The following GRK3 variants were observed in gnomAD, a reference collection of about 807,000 sequenced individuals.
GRK3 encodes the protein adrenergic, beta, receptor kinase 2.
GRK3 carries 54 observed loss-of-function variants against 95.7 expected under a neutral mutation model. The observed-to-expected ratio is 0.56, with a 90% confidence interval of 0.45 to 0.71. The LOEUF is 0.71. Among genes scored for constraint, GRK3 ranks in the 30% least tolerant of loss-of-function variants. The pLI, the probability that GRK3 is intolerant of heterozygous loss-of-function variation, is 0.00. For synonymous variants in GRK3, 281 were observed against 290.8 expected (o/e 0.97, Z 0.34); for missense variants, 649 against 851.2 (o/e 0.76, Z 2.96).
chr22:25,600,956 C>A (rs1184827109), intron 1 of GRK3, among the ~76,000 whole-genome samples: 2 of 152,240 alleles, frequency 1.3e-5, no homozygotes, highest in African/African-American at 4.8e-5. Context: ...GGTTATTTCA[C>A]CATGGAAGCA....
chr22:25,674,003 A>G (rs2085006166), intron 7 of GRK3, among the ~76,000 whole-genome samples: 2 of 152,006 alleles, frequency 1.3e-5, no homozygotes, highest in Non-Finnish European at 2.9e-5. Flanking sequence ...TGCCCCTGAC[A>G]TGGACTCTCA....
rs539772478 is a variant in GRK3, at chr22:25,651,750, T to C, written c.264+7085T>C. 2.6e-5 allele frequency among the ~76,000 whole-genome samples: 4 copies of C among 152,352 alleles called. No homozygotes were observed. In the East Asian group the frequency reaches 7.7e-4, roughly 29 times the overall value. ...GCAGTTCCTTATATAATAACAATTG[T>C]ATAGTAGGGATAAAACACTAACTTA... On this transcript the variant is annotated intron_variant, in intron 3 of 20. Coordinates refer to ENST00000324198, the MANE Select transcript of GRK3 (RefSeq NM_005160.4).
intron 1 of GRK3, among the ~76,000 whole-genome samples, chr22:25,601,321 A>G (rs1398839023): frequency 1.3e-5 from 2 of 152,228 alleles, no homozygotes; most frequent in South Asian, 4.1e-4. Flanking sequence ...TTTTCTGACC[A>G]TGAAAGAATT....
intron 3 of GRK3, among the ~76,000 whole-genome samples, chr22:25,653,837 C>T (rs1474400324): frequency 2.0e-5 from 3 of 152,110 alleles, no homozygotes; most frequent in Admixed American, 1.3e-4. Context: ...TACAGGCACC[C>T]GCCACCACGC....
intron 1 of GRK3, among the ~76,000 whole-genome samples, chr22:25,574,710 G>A (rs1012116029): frequency 7.2e-5 from 11 of 151,996 alleles, no homozygotes; most frequent in Non-Finnish European, 1.5e-4. Flanking sequence ...TAAGATCAAG[G>A]GACTTTAATA....
intron 1 of GRK3, among the ~76,000 whole-genome samples, chr22:25,593,385 A>G (rs750917184): frequency 6.6e-6 from 1 of 151,558 alleles, no homozygotes; most frequent in East Asian, 1.9e-4. Context: ...TCTTTTTTTA[A>G]ATAATAGCCA....
intron 2 of GRK3, among the ~76,000 whole-genome samples, chr22:25,608,319 C>A (rs1283260443): frequency 6.6e-6 from 1 of 152,154 alleles, no homozygotes; most frequent in Admixed American, 6.5e-5. Flanking sequence ...TTTTATTCCT[C>A]AATGGGAGGA....
intron 3 of GRK3, among the ~76,000 whole-genome samples, chr22:25,658,013 C>T (rs991305920): frequency 1.8e-4 from 27 of 152,048 alleles, no homozygotes; most frequent in African/African-American, 6.5e-4. Context: ...TTACTTCTGA[C>T]ATTTTTATCT....
intron 1 of GRK3, among the ~76,000 whole-genome samples, chr22:25,571,701 A>G (rs1465476797): frequency 3.3e-5 from 5 of 152,112 alleles, no homozygotes; most frequent in African/African-American, 9.7e-5. Context: ...AGGACTTCTG[A>G]AAAGCTGGAT....
chr22:25,571,846 T>C (rs1211891331), intron 1 of GRK3, among the ~76,000 whole-genome samples: 1 of 151,924 alleles, frequency 6.6e-6, no homozygotes, highest in Non-Finnish European at 1.5e-5. Context: ...ACATGATACC[T>C]TACTCACACT....
chr22:25,702,856 C>T, intron 13 of GRK3: 1 of 456,050 alleles, frequency 2.2e-6, no homozygotes. Context: ...AGAATTGATA[C>T]TGAAGGTTTC....
chr22:25,703,663 A>G, intron 14 of GRK3, 87 bp downstream of exon 14: 1 of 993,100 alleles, frequency 1.0e-6, no homozygotes, highest in South Asian at 1.7e-5. Context: ...ATTACATAAA[A>G]TGTTATAGGA....
chr22:25,571,057 C>T (rs1262553362), intron 1 of GRK3, among the ~76,000 whole-genome samples: 2 of 152,176 alleles, frequency 1.3e-5, no homozygotes, highest in African/African-American at 4.8e-5. Context: ...CTTGATCCAG[C>T]CTTGGACCTA....
intron 12 of GRK3, among the ~76,000 whole-genome samples, chr22:25,694,781 G>A (rs1471084827): frequency 6.6e-6 from 1 of 152,192 alleles, no homozygotes; most frequent in Admixed American, 6.5e-5. Context: ...CTGACCCCAT[G>A]CACCTCCACA....
intron 9 of GRK3, 44 bp from the exon 10 acceptor site, chr22:25,685,126 G>A (rs1601525251): frequency 7.4e-7 from 1 of 1,352,240 alleles, no homozygotes; most frequent in African/African-American, 1.4e-5. Context: ...GTGCTTTCTA[G>A]GCAGCTTTTG....
intron 12 of GRK3, among the ~76,000 whole-genome samples, chr22:25,694,544 C>T (rs1438714061): frequency 1.3e-5 from 2 of 152,218 alleles, no homozygotes; most frequent in African/African-American, 2.4e-5. Context: ...AAACCTGACA[C>T]GTGATTTCTC....
At chr22:25,658,184 T>C (rs982095816) in intron 3 of GRK3, among the ~76,000 whole-genome samples, 26 of 152,214 alleles carry the variant, frequency 1.7e-4, no homozygotes, top group Non-Finnish European at 2.5e-4. Context: ...TTGGTTTTCA[T>C]TGATGGTTTG....
chr22:25,655,179 T>C (rs1183120244), intron 3 of GRK3, among the ~76,000 whole-genome samples: 1 of 152,182 alleles, frequency 6.6e-6, no homozygotes, highest in African/African-American at 2.4e-5. Flanking sequence ...CACTTTCCTG[T>C]GTCCCCAAAC....
At chr22:25,687,399 G>T in intron 10 of GRK3, 138 bp from the exon 11 acceptor site, 2 of 776,744 alleles carry the variant, frequency 2.6e-6, no homozygotes, top group South Asian at 4.0e-5. Flanking sequence ...CTAAACTACA[G>T]GAATGAAACA....
Sources: gnomAD v4.1 joint callset for allele counts (sites outside exome capture counted in the v4.1 genomes callset) on GRCh38, gnomAD v4.1.1 for gene constraint, MANE v1.5 for transcripts, NCBI Gene and HGNC (gene_info 2026-07-23, HGNC 2026-07-21) for gene names.